The following SLC1A2 variants were observed in gnomAD, a reference collection of about 807,000 sequenced individuals.
The protein encoded by SLC1A2 is solute carrier family 1 member 2.
SLC1A2 carries 15 observed loss-of-function variants against 48.8 expected under a neutral mutation model. That is an observed-to-expected ratio of 0.31 (90% CI 0.21 to 0.47). The LOEUF is 0.47. Among genes scored for constraint, SLC1A2 ranks in the 20% least tolerant of loss-of-function variants. The pLI, the probability that SLC1A2 is intolerant of heterozygous loss-of-function variation, is 0.99. For synonymous variants in SLC1A2, 279 were observed against 272.6 expected (o/e 1.02, Z -0.23); for missense variants, 502 against 730.5 (o/e 0.69, Z 3.61).
At chr11:35,409,524 T>C (rs1855396016) in intron 1 of SLC1A2, among the ~76,000 whole-genome samples, 2 of 152,200 alleles carry the variant, frequency 1.3e-5, no homozygotes, top group Admixed American at 1.3e-4. Context: ...GATAACCATC[T>C]TTCCATTGGA....
At position 35,259,833 on chromosome 11, in the gene SLC1A2, T is replaced by A. The variant is rs569646924; in HGVS notation, c.*1061A>T. 6.6e-6 allele frequency: 1 copy of A among 152,346 alleles called. No individual in the cohort carries two copies. The highest frequency in any genetic ancestry group is 2.1e-4 in the South Asian group (1 of 4,824). The allele number at this position is 152,346 out of a possible 1,614,324, so 9.4% of individuals were successfully genotyped here. On this transcript the variant is annotated 3_prime_UTR_variant, in exon 11 of 11. Transcript: ENST00000278379. ...TATTGGATAAATACCAGTATTTTTG[T>A]TTCATCAAGAGATGACATTAAAAGA...
chr11:35,264,948 C>CTTTTT (rs796094296), intron 10 of SLC1A2: 3 of 131,638 alleles, frequency 2.3e-5, no homozygotes, highest in African/African-American at 5.6e-5. Flanking sequence ...GCCACAAATT[C>CTTTTT]TTTTTTTTTT....
chr11:35,343,149 A>G (rs919529768), intron 1 of SLC1A2, among the ~76,000 whole-genome samples: 2 of 152,248 alleles, frequency 1.3e-5, no homozygotes, highest in Non-Finnish European at 2.9e-5. Flanking sequence ...AGGAGAATAG[A>G]AGCAGTTTCA....
At chr11:35,290,295 C>T (rs1850955165) in intron 7 of SLC1A2, among the ~76,000 whole-genome samples, 1 of 152,032 alleles carries the variant, frequency 6.6e-6, no homozygotes, top group Non-Finnish European at 1.5e-5. Context: ...ATAGACATGC[C>T]TTAAATATAC....
chr11:35,256,040 T>C lies in SLC1A2; in HGVS notation c.*4854A>G, dbSNP rs201253048. The C allele has an allele frequency of 2.6e-5, 4 of 152,190 alleles. No homozygotes were observed. The highest frequency in any genetic ancestry group is 9.6e-5 in the African/African-American group (4 of 41,454). 9.4% of individuals were successfully genotyped at this position (152,190 alleles called of 1,614,324 possible). The stretch of plus-strand genomic sequence containing the variant: ...GAAACAAAGCAGAGATCATAATACA[T>C]TGGGCTCATAGGGCTGGAAGGGGAT... On this transcript the variant is annotated 3_prime_UTR_variant, in exon 11 of 11. Coordinates refer to ENST00000278379, the MANE Select transcript of SLC1A2 (RefSeq NM_004171.4).
chr11:35,409,832 C>T (rs1855407003), intron 1 of SLC1A2, among the ~76,000 whole-genome samples: 1 of 152,148 alleles, frequency 6.6e-6, no homozygotes, highest in South Asian at 2.1e-4. Flanking sequence ...TCACTGGAAC[C>T]CAGGAGGTGG....
chr11:35,303,277 T>A (rs957245013), intron 5 of SLC1A2, among the ~76,000 whole-genome samples: 1 of 152,190 alleles, frequency 6.6e-6, no homozygotes, highest in African/African-American at 2.4e-5. Flanking sequence ...TAACTACCCT[T>A]TGCTGGATCC....
intron 1 of SLC1A2, among the ~76,000 whole-genome samples, chr11:35,385,464 T>C (rs776350039): frequency 6.6e-6 from 1 of 152,202 alleles, no homozygotes; most frequent in Non-Finnish European, 1.5e-5. Flanking sequence ...ACAGGTTTTG[T>C]AGTGTTTTGC....
At chr11:35,386,329 AC>A (rs970514564) in intron 1 of SLC1A2, among the ~76,000 whole-genome samples, 1 of 150,884 alleles carries the variant, frequency 6.6e-6, no homozygotes, top group African/African-American at 2.4e-5. Flanking sequence ...CTCATTCCTC[AC>A]TCTTTTATTG....
chr11:35,402,734 G>A (rs1192833341), intron 1 of SLC1A2, among the ~76,000 whole-genome samples: 1 of 152,214 alleles, frequency 6.6e-6, no homozygotes, highest in African/African-American at 2.4e-5. Context: ...CCATAGCCCA[G>A]GTGGATAGCA....
In SLC1A2 at chr11:35,258,772, G is replaced by C. The variant is rs141036751; in HGVS notation, c.*2122C>G. On this transcript the variant is annotated 3_prime_UTR_variant, in exon 11 of 11. Transcript: ENST00000278379. Reference sequence around the variant, plus strand: ...CTGGCTAACATAATGAAACCCATCTGTACTAAAAATACAAAAAATTAGCCA... The same window carrying C: ...CTGGCTAACATAATGAAACCCATCTCTACTAAAAATACAAAAAATTAGCCA... 0.017 allele frequency: 2,567 copies of C among 152,006 alleles called. 58 individuals are homozygous for C. Among genetic ancestry groups the C allele is most frequent in the African/African-American group, 0.057 (2,374 of 41,450 alleles). 9.4% of individuals were successfully genotyped at this position (152,006 alleles called of 1,614,324 possible). A position where few individuals can be genotyped will look rare whatever the true frequency, so the allele number is the denominator to read the frequency against.
At chr11:35,412,561 C>T (rs1336505421) in intron 1 of SLC1A2, among the ~76,000 whole-genome samples, 2 of 152,190 alleles carry the variant, frequency 1.3e-5, no homozygotes, top group Non-Finnish European at 2.9e-5. Flanking sequence ...AGAAATACGC[C>T]TCTGAAAGAT....
intron 7 of SLC1A2, among the ~76,000 whole-genome samples, chr11:35,288,495 G>A (rs778065113): frequency 2.0e-5 from 3 of 152,130 alleles, no homozygotes; most frequent in South Asian, 2.1e-4. Flanking sequence ...GGGCCCTTTC[G>A]AAGGGTTGCC....
intron 1 of SLC1A2, among the ~76,000 whole-genome samples, chr11:35,347,012 C>G (rs1417925954): frequency 1.3e-5 from 2 of 152,190 alleles, no homozygotes; most frequent in Non-Finnish European, 2.9e-5. Flanking sequence ...GGAGTTTAGA[C>G]TTTGGAAAAA....
Position 35,254,772 on chromosome 11 carries a change from T to C in SLC1A2, c.*6122A>G, listed in dbSNP as rs755764044. 2.6e-5 allele frequency: 12 copies of C among 456,188 alleles called. No individual in the cohort carries two copies. The highest frequency in any genetic ancestry group is 1.4e-4 in the South Asian group (9 of 64,552). The allele number at this position is 456,188 out of a possible 1,614,324, so 28.3% of individuals were successfully genotyped here. A position where few individuals can be genotyped will look rare whatever the true frequency, so the allele number is the denominator to read the frequency against. On this transcript the variant is annotated 3_prime_UTR_variant, in exon 11 of 11. Transcript: ENST00000278379. Reference sequence around the variant, plus strand: ...TGACTCTACAAAGCAGTGAGGTCTGTTCCAATAGCTGGTTTTATTCTCAGC... The same window carrying C: ...TGACTCTACAAAGCAGTGAGGTCTGCTCCAATAGCTGGTTTTATTCTCAGC...
chr11:35,337,330 G>A (rs1852671301), intron 1 of SLC1A2, among the ~76,000 whole-genome samples: 2 of 152,118 alleles, frequency 1.3e-5, no homozygotes, highest in Non-Finnish European at 2.9e-5. Context: ...TGACAAAGAG[G>A]GTAGTCAGAA....
intron 1 of SLC1A2, among the ~76,000 whole-genome samples, chr11:35,371,522 G>A (rs1243289315): frequency 2.0e-5 from 3 of 152,126 alleles, no homozygotes; most frequent in Non-Finnish European, 4.4e-5. Flanking sequence ...GTTTCCCTTA[G>A]TACCACCAGG....
intron 6 of SLC1A2, chr11:35,299,556 T>A (rs1173007427): frequency 6.6e-6 from 1 of 152,122 alleles, no homozygotes; most frequent in East Asian, 1.9e-4. Flanking sequence ...CGTAAAACAA[T>A]GATCTGAACA....
intron 1 of SLC1A2, among the ~76,000 whole-genome samples, chr11:35,334,604 A>C (rs948991595): frequency 1.3e-5 from 2 of 152,198 alleles, no homozygotes; most frequent in Admixed American, 1.3e-4. Context: ...AGCAGGTTAC[A>C]GCGGGTGGAG....
Sources: allele counts gnomAD v4.1 joint callset (sites outside exome capture counted in the v4.1 genomes callset), GRCh38; gene constraint gnomAD v4.1.1; transcripts MANE v1.5; gene names NCBI Gene and HGNC (gene_info 2026-07-23, HGNC 2026-07-21).